The following FRMD4A variants were observed in gnomAD, a reference collection of about 807,000 sequenced individuals.
FRMD4A encodes the protein FERM domain containing 4A, also known as FERM domain-containing protein 4A.
FRMD4A carries 29 observed loss-of-function variants against 129.1 expected under a neutral mutation model. The ratio of observed to expected loss-of-function variants is 0.22; its 90% CI spans 0.17 to 0.31. The LOEUF (loss-of-function observed/expected upper bound fraction) is 0.31. Ranked by LOEUF, FRMD4A falls within the 10% of genes least tolerant of loss-of-function variation. The pLI, the probability that FRMD4A is intolerant of heterozygous loss-of-function variation, is 1.00. For synonymous variants in FRMD4A, 634 were observed against 571.6 expected, an observed-to-expected ratio of 1.11 and a Z score of -1.56; for missense variants, 1,272 against 1,375.8, an observed-to-expected ratio of 0.92 and a Z score of 1.19.
chr10:13,669,057 GTTTTTTTTTTTTT>G (rs56706198), intron 17 of FRMD4A, among the ~76,000 whole-genome samples: 4 of 97,460 alleles, frequency 4.1e-5, no homozygotes, highest in African/African-American at 8.6e-5. Flanking sequence ...CTGAGCTTTA[GTTTTTTTTTTTTT>G]TTTTTTTTTT....
chr10:13,916,075 A>G (rs1445216158), intron 2 of FRMD4A, among the ~76,000 whole-genome samples: 2 of 152,254 alleles, frequency 1.3e-5, no homozygotes, highest in African/African-American at 2.4e-5. Context: ...CACTGACGGC[A>G]GGTCAACTGG....
chr10:14,002,897 C>G (rs2095647494), intron 2 of FRMD4A, among the ~76,000 whole-genome samples: 1 of 152,044 alleles, frequency 6.6e-6, no homozygotes, highest in Admixed American at 6.6e-5. Context: ...AGAGCAAGCT[C>G]CGTAGTTTGG....
At chr10:14,304,440 G>A (rs1846280806) in intron 2 of FRMD4A, among the ~76,000 whole-genome samples, 1 of 152,136 alleles carries the variant, frequency 6.6e-6, no homozygotes, top group African/African-American at 2.4e-5. Context: ...CTCACTCTTG[G>A]CTTTATAGGC....
At chr10:14,171,099 T>C (rs139234755) in intron 2 of FRMD4A, among the ~76,000 whole-genome samples, 13 of 152,164 alleles carry the variant, frequency 8.5e-5, no homozygotes, top group African/African-American at 2.2e-4. Flanking sequence ...ATTATGAAGT[T>C]TGGAGGATTA....
At chr10:13,673,410 G>A (rs2083683119) in intron 16 of FRMD4A, among the ~76,000 whole-genome samples, 1 of 152,152 alleles carries the variant, frequency 6.6e-6, no homozygotes, top group Non-Finnish European at 1.5e-5. Flanking sequence ...TAGTGTTTGG[G>A]GGAGGGGTAT....
chr10:13,679,830 G>A (rs530635104), intron 15 of FRMD4A, among the ~76,000 whole-genome samples: 97 of 152,188 alleles, frequency 6.4e-4, no homozygotes, highest in African/African-American at 2.3e-3. Context: ...CTAAGCAAAC[G>A]TGGCCACCAA....
At chr10:13,664,917 T>C (rs1211602147) in intron 18 of FRMD4A, among the ~76,000 whole-genome samples, 1 of 152,058 alleles carries the variant, frequency 6.6e-6, no homozygotes, top group African/African-American at 2.4e-5. Flanking sequence ...AGTTTCGCTC[T>C]TGTTGCCCAG....
chr10:14,304,671 C>T (rs1172429673), intron 2 of FRMD4A, among the ~76,000 whole-genome samples: 3 of 152,170 alleles, frequency 2.0e-5, no homozygotes, highest in Non-Finnish European at 4.4e-5. Flanking sequence ...TATGTCCCAC[C>T]AGATCTCCTC....
At chr10:13,749,049 C>T (rs575388641) in intron 8 of FRMD4A, among the ~76,000 whole-genome samples, 2 of 152,168 alleles carry the variant, frequency 1.3e-5, no homozygotes, top group Non-Finnish European at 2.9e-5. Context: ...GTCTGCATCC[C>T]CTCTGGGCCG....
At chr10:13,934,416 T>C (rs1431790250) in intron 2 of FRMD4A, among the ~76,000 whole-genome samples, 2 of 152,372 alleles carry the variant, frequency 1.3e-5, no homozygotes, top group Non-Finnish European at 1.5e-5. Context: ...GCAAGCTTAA[T>C]TTTATAGCTG....
intron 2 of FRMD4A, among the ~76,000 whole-genome samples, chr10:14,113,905 C>T (rs1384420801): frequency 2.0e-5 from 3 of 152,182 alleles, no homozygotes. Context: ...CTGGGAGTCA[C>T]ATCTCCGAGC....
At chr10:13,755,145 C>A (rs1030071893) in intron 8 of FRMD4A, among the ~76,000 whole-genome samples, 5 of 152,128 alleles carry the variant, frequency 3.3e-5, no homozygotes, top group African/African-American at 1.2e-4. Flanking sequence ...TCGATATAAA[C>A]GTTTATATTA....
At chr10:14,185,836 G>T (rs997067324) in intron 2 of FRMD4A, among the ~76,000 whole-genome samples, 1 of 152,104 alleles carries the variant, frequency 6.6e-6, no homozygotes, top group Admixed American at 6.5e-5. Flanking sequence ...GCCCAGTGGA[G>T]ACAGCCATGG....
intron 2 of FRMD4A, among the ~76,000 whole-genome samples, chr10:13,859,829 G>A (rs2094268716): frequency 6.6e-6 from 1 of 152,150 alleles, no homozygotes; most frequent in Non-Finnish European, 1.5e-5. Context: ...CCCGTCCCTT[G>A]TGCCTTTCAG....
chr10:14,015,303 C>T lies in FRMD4A; in HGVS notation c.46-156391G>A, dbSNP rs941567994. The stretch of plus-strand genomic sequence containing the variant: ...CTTCCTTCCCTCCCTCCCTTCCTTT[C>T]ATCCTTTCTTCCCTTCCTCTTCTCT... On this transcript the variant is annotated intron_variant, in intron 2 of 24. Transcript: ENST00000357447. Among the ~76,000 whole-genome samples, 6 of 132,624 alleles carry T rather than the reference C, an allele frequency of 4.5e-5. No homozygotes were observed. The Admixed American group carries it at 5.1e-4, about 11-fold the overall frequency. 87.0% of individuals were successfully genotyped at this position (132,624 alleles called of 152,430 possible).
chr10:14,050,815 C>A (rs1834220569), intron 2 of FRMD4A, among the ~76,000 whole-genome samples: 3 of 152,244 alleles, frequency 2.0e-5, no homozygotes, highest in Non-Finnish European at 4.4e-5. Context: ...AAGGGCCTAG[C>A]AGCTCCACGC....
At chr10:14,131,912 C>T (rs1314701115) in intron 2 of FRMD4A, among the ~76,000 whole-genome samples, 2 of 152,130 alleles carry the variant, frequency 1.3e-5, no homozygotes, top group East Asian at 1.9e-4. Context: ...TCGCCCTGAC[C>T]GAAGACCCCT....
chr10:13,793,571 G>C (rs1164838311), intron 5 of FRMD4A, among the ~76,000 whole-genome samples: 1 of 152,180 alleles, frequency 6.6e-6, no homozygotes, highest in African/African-American at 2.4e-5. Context: ...AAAGGAGAAA[G>C]GATTTGAGGA....
chr10:13,671,237 T>G (rs1432458770), intron 16 of FRMD4A, among the ~76,000 whole-genome samples: 1 of 152,122 alleles, frequency 6.6e-6, no homozygotes, highest in Non-Finnish European at 1.5e-5. Flanking sequence ...GCGGATCTCT[T>G]GAGATCAGGA....
Sources: gnomAD v4.1 joint callset for allele counts (sites outside exome capture counted in the v4.1 genomes callset) on GRCh38, gnomAD v4.1.1 for gene constraint, MANE v1.5 for transcripts, NCBI Gene and HGNC (gene_info 2026-07-23, HGNC 2026-07-21) for gene names.